SLC4A4: variants seen among roughly 807,000 people sequenced by gnomAD.
The protein encoded by SLC4A4 is electrogenic sodium bicarbonate cotransporter 1.
SLC4A4 carries 27 observed loss-of-function variants against 111.5 expected under a neutral mutation model. That is an observed-to-expected ratio of 0.24 (90% CI 0.18 to 0.33). SLC4A4 has a LOEUF of 0.33. Among genes scored for constraint, SLC4A4 ranks in the 10% least tolerant of loss-of-function variants. The probability of loss-of-function intolerance (pLI) is 1.00; values close to 1 mark genes in which losing one functional copy is unlikely to be tolerated. For synonymous variants in SLC4A4, 443 were observed against 463.4 expected (o/e 0.96, Z 0.57); for missense variants, 909 against 1,315.5 (o/e 0.69, Z 4.78).
intron 4 of SLC4A4, among the ~76,000 whole-genome samples, chr4:71,345,059 C>T (rs1729206133): frequency 6.6e-6 from 1 of 152,130 alleles, no homozygotes; most frequent in Non-Finnish European, 1.5e-5. Flanking sequence ...TTTACCTGTT[C>T]TTCCCTTTCC....
intron 3 of SLC4A4, among the ~76,000 whole-genome samples, chr4:71,331,226 A>G (rs1342065417): frequency 6.6e-5 from 10 of 152,308 alleles, no homozygotes; most frequent in East Asian, 1.9e-4. Context: ...CCATCCCATT[A>G]CTGGGTATAT....
chr4:71,187,882 T>A (rs748270097), intron 1 of SLC4A4, among the ~76,000 whole-genome samples: 8 of 152,182 alleles, frequency 5.3e-5, no homozygotes, highest in Non-Finnish European at 1.0e-4. Context: ...CCCACTTCAC[T>A]GCCAGCTCCA....
intron 16 of SLC4A4, among the ~76,000 whole-genome samples, chr4:71,527,454 A>G (rs1444839672): frequency 6.6e-6 from 1 of 152,122 alleles, no homozygotes; most frequent in East Asian, 1.9e-4. Flanking sequence ...TAATTAAGAT[A>G]GAGAAAACTA....
intron 1 of SLC4A4, among the ~76,000 whole-genome samples, chr4:71,208,664 G>A (rs894877070): frequency 6.6e-6 from 1 of 151,714 alleles, no homozygotes; most frequent in African/African-American, 2.4e-5. Context: ...ATTAATTATG[G>A]TTTTCTTTCC....
intron 3 of SLC4A4, among the ~76,000 whole-genome samples, chr4:71,288,503 A>G (rs935953345): frequency 1.3e-5 from 2 of 151,778 alleles, no homozygotes. Flanking sequence ...GGTTCAAACG[A>G]TTCTCCTGCC....
chr4:71,421,385 TG>T (rs1473320207), intron 7 of SLC4A4, among the ~76,000 whole-genome samples: 1 of 152,166 alleles, frequency 6.6e-6, no homozygotes, highest in Non-Finnish European at 1.5e-5. Flanking sequence ...ACATTAATAA[TG>T]GGAGACTTTA....
At chr4:71,281,464 T>C (rs936693123) in intron 3 of SLC4A4, among the ~76,000 whole-genome samples, 1 of 152,146 alleles carries the variant, frequency 6.6e-6, no homozygotes, top group African/African-American at 2.4e-5. Context: ...GGGAAACTAG[T>C]ATGAGCCCCG....
At chr4:71,494,064 A>C (rs571452523) in intron 15 of SLC4A4, among the ~76,000 whole-genome samples, 1 of 151,808 alleles carries the variant, frequency 6.6e-6, no homozygotes, top group Non-Finnish European at 1.5e-5. Context: ...TTATTGTCTT[A>C]CAACTGCAAT....
At position 71,098,149 on chromosome 4, in the gene SLC4A4, T is replaced by C. The variant is rs182064857; in HGVS notation, c.-2+5357T>C. ...CCTAGGTTGTCTTCCAGAGTTTTTATAGTTTTGTGTTTTACATTTAAGTTT... is the reference window on the plus strand; with the variant it reads ...CCTAGGTTGTCTTCCAGAGTTTTTACAGTTTTGTGTTTTACATTTAAGTTT... On this transcript the variant is annotated intron_variant, in intron 2 of 26. Transcript: ENST00000649996. 4.2e-3 allele frequency among the ~76,000 whole-genome samples: 637 copies of C among 152,336 alleles called. 3 individuals carry two copies. The highest frequency in any genetic ancestry group is 5.0e-3 in the Non-Finnish European group (340 of 68,024).
intron 1 of SLC4A4, among the ~76,000 whole-genome samples, chr4:71,200,973 A>G (rs1332625374): frequency 2.6e-5 from 4 of 152,154 alleles, no homozygotes; most frequent in Admixed American, 6.5e-5. Flanking sequence ...ACTCCCATCA[A>G]AGTTGTTTTC....
chr4:71,333,247 G>A (rs72650334), intron 3 of SLC4A4, among the ~76,000 whole-genome samples: 2,547 of 152,350 alleles, frequency 0.017, 34 homozygotes, highest in Non-Finnish European at 0.025. Context: ...GCGTTAGGCA[G>A]CACCATAAGC....
At chr4:71,455,871 T>C (rs1438952763) in intron 12 of SLC4A4, among the ~76,000 whole-genome samples, 2 of 152,170 alleles carry the variant, frequency 1.3e-5, no homozygotes, top group African/African-American at 4.8e-5. Context: ...GATGAACTTC[T>C]TTATGAGTAG....
At chr4:71,079,792 G>A (rs1040155532) in intron 1 of SLC4A4, among the ~76,000 whole-genome samples, 1 of 146,210 alleles carries the variant, frequency 6.8e-6, no homozygotes, top group African/African-American at 2.5e-5. Flanking sequence ...AAAAAAAGAT[G>A]TAAAGAAAAT....
intron 18 of SLC4A4, among the ~76,000 whole-genome samples, chr4:71,542,049 T>G (rs1735118660): frequency 6.6e-6 from 1 of 152,054 alleles, no homozygotes. Context: ...AGAAACAACT[T>G]CTCTGACATA....
chr4:71,443,533 T>C (rs748318419), intron 8 of SLC4A4, among the ~76,000 whole-genome samples: 60 of 152,304 alleles, frequency 3.9e-4, no homozygotes, highest in South Asian at 8.3e-4. Context: ...AAGGGAAGAT[T>C]CAGCATCAGT....
At chr4:71,173,391 ATTT>A (rs1329713458) in intron 2 of SLC4A4, among the ~76,000 whole-genome samples, 2 of 152,034 alleles carry the variant, frequency 1.3e-5, no homozygotes, top group African/African-American at 4.8e-5. Context: ...TAATTAATTT[ATTT>A]ATTTTGAAAT....
Position 71,157,285 on chromosome 4 carries a change from C to T in SLC4A4, c.-2+64493C>T, listed in dbSNP as rs758642440. 4.6e-5 allele frequency among the ~76,000 whole-genome samples: 7 copies of T among 152,066 alleles called. No individual in the cohort carries two copies. In the South Asian group the frequency reaches 6.2e-4, roughly 14 times the overall value. On this transcript the variant is annotated intron_variant, in intron 2 of 26. Transcript: ENST00000649996. ...AAGTTAGTAGTGTGTGTAATAAAGC[C>T]ATGCCACTTAGAAATCAACTATCAG... is the stretch of plus-strand genomic sequence containing the variant.
chr4:71,276,146 A>G (rs1723050237), intron 3 of SLC4A4, among the ~76,000 whole-genome samples: 1 of 152,196 alleles, frequency 6.6e-6, no homozygotes. Flanking sequence ...TTTAATTTTG[A>G]GAAACTTTTT....
In SLC4A4 at chr4:71,334,568, A is replaced by G. The variant is rs146242773; in HGVS notation, c.254-4802A>G. ...AGTCTCTTGGCTCTGAGCCCAGTAC[A>G]GCACCAGTAGAAACTTCCAGGAGTT... On this transcript the variant is annotated intron_variant, in intron 3 of 25. Transcript: ENST00000264485. Among the ~76,000 whole-genome samples the G allele has an allele frequency of 4.6e-5, 7 of 152,282 alleles. No individual in the cohort carries two copies. In the East Asian group the frequency reaches 1.4e-3, roughly 29 times the overall value.
Sources: gnomAD v4.1 joint callset for allele counts (sites outside exome capture counted in the v4.1 genomes callset) on GRCh38, gnomAD v4.1.1 for gene constraint, MANE v1.5 for transcripts, NCBI Gene and HGNC (gene_info 2026-07-23, HGNC 2026-07-21) for gene names.